Variants in MAST2 observed in about 807,000 individuals in gnomAD.
MAST2 encodes microtubule associated serine/threonine kinase 2.
MAST2 carries 70 observed loss-of-function variants against 147.4 expected under a neutral mutation model. The ratio of observed to expected loss-of-function variants is 0.47; its 90% CI spans 0.39 to 0.58. The LOEUF (loss-of-function observed/expected upper bound fraction) is 0.58, where lower values mean the gene tolerates loss of function less well. Ranked by LOEUF, MAST2 falls within the 20% of genes least tolerant of loss-of-function variation. The pLI, the probability that MAST2 is intolerant of heterozygous loss-of-function variation, is 0.00. For synonymous variants in MAST2, 869 were observed against 896.8 expected, an observed-to-expected ratio of 0.97 and a Z score of 0.55; for missense variants, 2,080 against 2,302.3, an observed-to-expected ratio of 0.90 and a Z score of 1.98.
intron 3 of MAST2, among the ~76,000 whole-genome samples, chr1:45,865,739 G>C (rs1646126632): frequency 6.6e-6 from 1 of 152,128 alleles, no homozygotes; most frequent in Non-Finnish European, 1.5e-5. Flanking sequence ...TAGACTGATA[G>C]GCAACCTTCA....
Position 45,958,135 on chromosome 1 carries a change from C to G in MAST2, c.501-1251C>G, listed in dbSNP as rs78520452. Among the ~76,000 whole-genome samples, 444 of 152,130 alleles carry G rather than the reference C, an allele frequency of 2.9e-3. 3 individuals carry two copies. Among genetic ancestry groups the G allele is most frequent in the East Asian group, 0.021 (106 of 5,166 alleles). On this transcript the variant is annotated intron_variant, in intron 4 of 28. Coordinates refer to ENST00000361297, the MANE Select transcript of MAST2 (RefSeq NM_015112.3). ...TGACTGAGGTAGTTAGGGGTATGGG[C>G]ATGATTGGATTCCTCCTGATGGTTT... is the stretch of plus-strand genomic sequence containing the variant.
chr1:45,827,365 C>T (rs1048255739), intron 2 of MAST2, among the ~76,000 whole-genome samples: 1 of 152,144 alleles, frequency 6.6e-6, no homozygotes, highest in African/African-American at 2.4e-5. Context: ...TTATTTTCCT[C>T]AAGTTCTTGG....
intron 4 of MAST2, among the ~76,000 whole-genome samples, chr1:45,940,113 C>G (rs1267270098): frequency 1.3e-5 from 2 of 151,534 alleles, no homozygotes; most frequent in East Asian, 1.9e-4. Context: ...CTGCCTGAGC[C>G]TCCCGAGTAG....
At chr1:45,860,129 G>C (rs1207138555) in intron 3 of MAST2, among the ~76,000 whole-genome samples, 1 of 151,908 alleles carries the variant, frequency 6.6e-6, no homozygotes, top group African/African-American at 2.4e-5. Flanking sequence ...ATGCTGAGAT[G>C]GGCAGATTAC....
intron 1 of MAST2, among the ~76,000 whole-genome samples, chr1:45,821,959 G>A (rs1644648674): frequency 8.2e-6 from 1 of 122,200 alleles, no homozygotes; most frequent in African/African-American, 3.3e-5. Context: ...TGTGATTTCT[G>A]CTCACTGCAA....
chr1:45,863,109 G>A (rs987017794), intron 3 of MAST2, among the ~76,000 whole-genome samples: 5 of 152,062 alleles, frequency 3.3e-5, no homozygotes, highest in Non-Finnish European at 7.3e-5. Flanking sequence ...TCTTGAATTA[G>A]TAAATGAATA....
chr1:45,849,817 T>C (rs1021697600), intron 3 of MAST2, among the ~76,000 whole-genome samples: 1 of 152,198 alleles, frequency 6.6e-6, no homozygotes, highest in Non-Finnish European at 1.5e-5. Context: ...TGAGCCACTG[T>C]GCCCCGCCCA....
chr1:45,965,161 G>T (rs1245605277), intron 5 of MAST2, among the ~76,000 whole-genome samples: 3 of 152,176 alleles, frequency 2.0e-5, no homozygotes, highest in African/African-American at 7.2e-5. Context: ...TTTTGGAATA[G>T]GTGCGGTGTG....
chr1:46,029,158 C>T (rs1250136537), intron 18 of MAST2: 3 of 566,680 alleles, frequency 5.3e-6, no homozygotes, highest in Non-Finnish European at 9.2e-6. Context: ...CCTGGTCTCT[C>T]ATATACACCT....
At chr1:46,011,267 A>G (rs1571198934) in intron 10 of MAST2, among the ~76,000 whole-genome samples, 1 of 152,224 alleles carries the variant, frequency 6.6e-6, no homozygotes, top group Admixed American at 6.5e-5. Context: ...AAGTGGCTCC[A>G]GTGGCTGTGA....
At chr1:45,884,902 A>G (rs1647016596) in intron 4 of MAST2, among the ~76,000 whole-genome samples, 1 of 152,192 alleles carries the variant, frequency 6.6e-6, no homozygotes, top group Admixed American at 6.5e-5. Context: ...ATGCTTAGTC[A>G]TCTCCCCAAA....
chr1:45,924,340 C>T (rs1654016414), intron 4 of MAST2, among the ~76,000 whole-genome samples: 1 of 152,164 alleles, frequency 6.6e-6, no homozygotes, highest in Non-Finnish European at 1.5e-5. Flanking sequence ...TATGATGAAC[C>T]TCTCTTACTC....
intron 4 of MAST2, among the ~76,000 whole-genome samples, chr1:45,906,354 G>A (rs937231150): frequency 6.6e-6 from 1 of 151,578 alleles, no homozygotes; most frequent in Non-Finnish European, 1.5e-5. Flanking sequence ...TTCATTTTTG[G>A]CAAAAACATT....
At chr1:45,987,787 T>TG (rs1644704601) in intron 5 of MAST2, among the ~76,000 whole-genome samples, 1 of 141,814 alleles carries the variant, frequency 7.1e-6, no homozygotes, top group African/African-American at 2.6e-5. Context: ...ATTTTTTTTT[T>TG]TTTTTTTTTT....
chr1:46,031,286 T>G lies in MAST2; in HGVS notation c.2988T>G (p.Ser996Arg). The change falls in exon 23 of 29, where the codon AGT becomes AGG. Residue 996 changes from serine (S) to arginine (R), a missense_variant. By Grantham distance (110) the Ser-to-Arg change is moderately radical (BLOSUM62 -1). Transcript: ENST00000361297. The surrounding 1 kb of genome is among the most constrained non-coding windows in gnomAD (Gnocchi z 4.1). The part of the protein sequence containing the change: ...EEAVGRSSGS[S>R]PAMETRGRGT... ...CTGTTGGCCGGAGCAGTGGTTCCAG[T>G]CCAGGTATGGCCCAGTGGGCGGCCA... 5.8e-6 allele frequency: 9 copies of G among 1,540,538 alleles called. No individual in the cohort carries two copies. Among genetic ancestry groups the G allele is most frequent in the Non-Finnish European group, 7.9e-6 (9 of 1,139,578 alleles).
intron 4 of MAST2, among the ~76,000 whole-genome samples, chr1:45,890,604 A>C (rs76070246): frequency 9.2e-5 from 14 of 152,256 alleles, no homozygotes; most frequent in African/African-American, 3.4e-4. Flanking sequence ...TTTAACCTTA[A>C]TTACTTCCTA....
In MAST2 at chr1:45,994,274, CTTT is replaced by C. The variant is rs869216588; in HGVS notation, c.593-3427_593-3425del. On this transcript the variant is annotated intron_variant, in intron 5 of 28. Transcript: ENST00000361297. ...GCAAGTGGCTCAAAGCCCTAACCCT[CTTT>C]TTTTTTTTTTTTTTTTTTTTTTGAG... Among the ~76,000 whole-genome samples the C allele has an allele frequency of 8.1e-3, 502 of 62,048 alleles. 3 individuals are homozygous for C. The highest frequency in any genetic ancestry group is 0.032 in the African/African-American group (456 of 14,260). The allele number at this position is 62,048 out of a possible 152,430, so 40.7% of individuals were successfully genotyped here. A position where few individuals can be genotyped will look rare whatever the true frequency, so the allele number is the denominator to read the frequency against.
chr1:45,948,276 A>ACATAC (rs1376397222), intron 4 of MAST2, among the ~76,000 whole-genome samples: 3 of 152,234 alleles, frequency 2.0e-5, no homozygotes, highest in African/African-American at 7.2e-5. Flanking sequence ...AAATGGAAAA[A>ACATAC]CATACCATGC....
Position 46,034,929 on chromosome 1 carries a change from G to C in MAST2, c.4260G>C (p.Lys1420Asn). 6.2e-7 allele frequency: 1 copy of C among 1,614,178 alleles called. No homozygotes were observed. Among genetic ancestry groups the C allele is most frequent in the Non-Finnish European group, 8.5e-7 (1 of 1,180,042 alleles). ...CAGCAGCACTTGCCGCCTCTGAGAA[G>C]AAGCTAGCCACTTCTCGCAAGCACA... Reference protein sequence around the residue: ...KLAAALAASEKKLATSRKHSL... With the variant: ...KLAAALAASENKLATSRKHSL... The change falls in exon 29 of 29, where the codon AAG (lysine) becomes AAC (asparagine). Residue 1420 changes from lysine to asparagine, a missense_variant. This residue lies in a region of MAST2 where 1,278 missense variants were observed against 1,304.2 expected (regional missense o/e 0.98). Transcript: ENST00000361297.
Sources: gnomAD v4.1 joint callset for allele counts (sites outside exome capture counted in the v4.1 genomes callset) on GRCh38, gnomAD v4.1.1 for gene constraint, gnomAD v4.1.1 regional missense constraint, Gnocchi (gnomAD v3.1) non-coding constraint, MANE v1.5 for transcripts, NCBI Gene and HGNC (gene_info 2026-07-23, HGNC 2026-07-21) for gene names.